NBAS: variants seen among roughly 807,000 people sequenced by gnomAD.
The protein encoded by NBAS is NBAS subunit of NRZ tethering complex, also known as NAG/BC035112 fusion.
A neutral mutation model predicts 302.5 loss-of-function variants in NBAS; 219 were observed. That is an observed-to-expected ratio of 0.72 (90% CI 0.65 to 0.81). The LOEUF is 0.81. NBAS is among the 30% of genes least tolerant of loss of function. The probability of loss-of-function intolerance (pLI) is 0.00; values close to 1 mark genes in which losing one functional copy is unlikely to be tolerated. For synonymous variants in NBAS, 1,118 were observed against 1,021.6 expected (o/e 1.09, Z -1.80); for missense variants, 2,932 against 2,841.6 (o/e 1.03, Z -0.72).
chr2:15,266,905 T>C (rs2148031082), intron 44 of NBAS, among the ~76,000 whole-genome samples: 1 of 152,352 alleles, frequency 6.6e-6, no homozygotes, highest in South Asian at 2.1e-4. Context: ...ACTTGGATGT[T>C]TGAAAGCCAT....
intron 2 of NBAS, 130 bp downstream of exon 2, chr2:15,558,450 A>T (rs1160134369): frequency 3.0e-6 from 2 of 662,774 alleles, no homozygotes; most frequent in African/African-American, 3.7e-5. Flanking sequence ...ATATGTGTGT[A>T]TATATAAATA....
chr2:15,457,775 T>A (rs563290800), intron 21 of NBAS, among the ~76,000 whole-genome samples: 1 of 152,312 alleles, frequency 6.6e-6, no homozygotes, highest in East Asian at 1.9e-4. Context: ...GAATATCAAG[T>A]ATTCAAAGAA....
In NBAS at chr2:15,328,154, A is replaced by C. The variant is rs748328432; in HGVS notation, c.4461+45T>G. The C allele has an allele frequency of 5.8e-6, 9 of 1,552,108 alleles. No individual in the cohort carries two copies. In the South Asian group the frequency reaches 9.0e-5, roughly 15 times the overall value. ...TTAGTTTTTGTTTCTACTGTCTACA[A>C]CAGCATGACAGTTAAATCTATCTTC... On this transcript the variant is annotated intron_variant, in intron 37 of 51. Transcript: ENST00000281513.
chr2:15,336,826 A>G (rs1197848843), intron 35 of NBAS, among the ~76,000 whole-genome samples: 2 of 152,346 alleles, frequency 1.3e-5, no homozygotes, highest in East Asian at 3.9e-4. Context: ...CATCTGTAGA[A>G]TCTTCTAAAT....
the NBAS span, among the ~76,000 whole-genome samples, chr2:15,052,942 C>A: frequency 1.3e-5 from 2 of 152,054 alleles, no homozygotes; most frequent in African/African-American, 4.8e-5. Context: ...AGGGGAAGAA[C>A]AGTAGAAATT....
chr2:15,497,721 G>T (rs547538773), intron 11 of NBAS, among the ~76,000 whole-genome samples: 68 of 152,144 alleles, frequency 4.5e-4, no homozygotes, highest in Non-Finnish European at 7.4e-4. Flanking sequence ...GGATCTGAAA[G>T]GTATTGAAAA....
intron 14 of NBAS, among the ~76,000 whole-genome samples, chr2:15,475,178 T>G (rs183764582): frequency 1.3e-5 from 2 of 152,208 alleles, no homozygotes; most frequent in African/African-American, 4.8e-5. Context: ...GTAAAAAATA[T>G]GTCAATCTGC....
At chr2:15,491,384 T>C (rs1207297996) in intron 11 of NBAS, among the ~76,000 whole-genome samples, 1 of 152,222 alleles carries the variant, frequency 6.6e-6, no homozygotes, top group Non-Finnish European at 1.5e-5. Flanking sequence ...TATTAAATCA[T>C]ACTTATCCAA....
rs1207055758 is a variant in NBAS, at chr2:15,561,185, CA to C, written c.117+2del. 7.4e-6 allele frequency: 12 copies of C among 1,612,868 alleles called. No homozygotes were observed. Among genetic ancestry groups the C allele is most frequent in the Non-Finnish European group, 1.0e-5 (12 of 1,179,510 alleles). On this transcript the variant is annotated splice_donor_variant, in intron 1 of 51. Coordinates refer to ENST00000281513, the MANE Select transcript of NBAS (RefSeq NM_015909.4). LOFTEE classifies it high-confidence loss of function. ...GCTGCTGCTGTAGATGGGCCTGGTT[CA>C]CCTGTACTTCAGTCTCCGGTGGCCA...
chr2:14,928,745 T>C, the NBAS span, among the ~76,000 whole-genome samples: 3 of 152,094 alleles, frequency 2.0e-5, no homozygotes, highest in African/African-American at 7.2e-5. Flanking sequence ...CCTATTGGAA[T>C]TGGAAAGGAT....
At chr2:14,980,621 C>A in the NBAS span, among the ~76,000 whole-genome samples, 445 of 152,074 alleles carry the variant, frequency 2.9e-3, 1 homozygote, top group African/African-American at 0.01. Context: ...CCTGATTGGG[C>A]CTTTAATCAT....
At chr2:15,121,204 G>A in the NBAS span, among the ~76,000 whole-genome samples, 1 of 152,110 alleles carries the variant, frequency 6.6e-6, no homozygotes, top group Non-Finnish European at 1.5e-5. Context: ...TAAGACGGTG[G>A]CCTGCTTTGA....
chr2:15,333,749 G>A (rs762998427), intron 35 of NBAS, among the ~76,000 whole-genome samples: 6 of 147,028 alleles, frequency 4.1e-5, no homozygotes, highest in Non-Finnish European at 7.4e-5. Context: ...ACTTAGTGGA[G>A]ATCTGGGAGA....
intron 51 of NBAS, among the ~76,000 whole-genome samples, chr2:15,171,471 T>A (rs1664287601): frequency 6.6e-6 from 1 of 152,278 alleles, no homozygotes; most frequent in African/African-American, 2.4e-5. Flanking sequence ...TTAAAAATTT[T>A]AATGGCTGCA....
At chr2:15,033,984 GGAAGAAGAA>G in the NBAS span, among the ~76,000 whole-genome samples, 6 of 56,292 alleles carry the variant, frequency 1.1e-4, no homozygotes, top group African/African-American at 5.1e-4. Context: ...AAGAGGAAGA[GGAAGAAGAA>G]GAAGAAGAAG....
the NBAS span, among the ~76,000 whole-genome samples, chr2:14,981,726 C>T: frequency 4.6e-5 from 7 of 152,186 alleles, no homozygotes; most frequent in Admixed American, 3.9e-4. Flanking sequence ...ACTCTTTCTT[C>T]ATCCTCCGGC....
chr2:15,384,095 G>T (rs1008948383), intron 28 of NBAS, among the ~76,000 whole-genome samples: 1 of 152,162 alleles, frequency 6.6e-6, no homozygotes, highest in Non-Finnish European at 1.5e-5. Context: ...AGTTCCTCCA[G>T]GCCAGAGGCA....
the NBAS span, among the ~76,000 whole-genome samples, chr2:15,150,723 T>TA: frequency 2.6e-5 from 4 of 152,202 alleles, no homozygotes; most frequent in Non-Finnish European, 5.9e-5. Context: ...ATAGCTTCCA[T>TA]AGGGAGCTTA....
At chr2:15,148,512 G>T in the NBAS span, among the ~76,000 whole-genome samples, 182 of 152,288 alleles carry the variant, frequency 1.2e-3, no homozygotes, top group African/African-American at 4.2e-3. Flanking sequence ...TCCACGTGCA[G>T]AGTGGTACCT....
Sources: gnomAD v4.1 joint callset for allele counts (sites outside exome capture counted in the v4.1 genomes callset) on GRCh38, gnomAD v4.1.1 for gene constraint, MANE v1.5 for transcripts, NCBI Gene and HGNC (gene_info 2026-07-23, HGNC 2026-07-21) for gene names.